Variants in ADCY5 observed in about 807,000 individuals in gnomAD.
ADCY5 encodes the protein adenylate cyclase 5.
A neutral mutation model predicts 119.7 loss-of-function variants in ADCY5; 30 were observed. That is an observed-to-expected ratio of 0.25 (90% confidence interval 0.19 to 0.34). The LOEUF (loss-of-function observed/expected upper bound fraction) is 0.34, where lower values mean the gene tolerates loss of function less well. Ranked by LOEUF, ADCY5 falls within the 10% of genes least tolerant of loss-of-function variation. The probability of loss-of-function intolerance (pLI) is 1.00; values close to 1 mark genes in which losing one functional copy is unlikely to be tolerated. For synonymous variants in ADCY5, 753 were observed against 762.2 expected, an observed-to-expected ratio of 0.99 and a Z score of 0.20; for missense variants, 1,324 against 1,775.2, an observed-to-expected ratio of 0.75 and a Z score of 4.57.
At position 123,282,328 on chromosome 3, in the gene ADCY5, T is replaced by C. The variant is rs565882366; in HGVS notation, c.*2280A>G. 1.3e-5 allele frequency: 2 copies of C among 152,372 alleles called. No homozygotes were observed. The highest frequency in any genetic ancestry group is 3.9e-4 in the East Asian group (2 of 5,186). The allele number at this position is 152,372 out of a possible 1,614,324, so 9.4% of individuals were successfully genotyped here. A position where few individuals can be genotyped will look rare whatever the true frequency, so the allele number is the denominator to read the frequency against. On this transcript the variant is annotated 3_prime_UTR_variant, in exon 21 of 21. Transcript: ENST00000462833. ...TGAAAGTGTTTAATAGTTAAATTAT[T>C]TAAATAGACTTTTCAATTTCCATGG... is the stretch of plus-strand genomic sequence containing the variant.
chr3:123,303,011 A>AG, intron 14 of ADCY5, 44 bp downstream of exon 14: 1 of 1,601,438 alleles, frequency 6.2e-7, no homozygotes, highest in African/African-American at 1.3e-5. Flanking sequence ...GGGGAGGGCA[A>AG]GGGACTCTTC....
At chr3:123,373,392 G>A (rs1943701829) in intron 1 of ADCY5, among the ~76,000 whole-genome samples, 1 of 152,218 alleles carries the variant, frequency 6.6e-6, no homozygotes, top group Non-Finnish European at 1.5e-5. Flanking sequence ...CAGCAAACTG[G>A]ATTGATACCA....
At position 123,447,591 on chromosome 3, in the gene ADCY5, G is replaced by A; in HGVS notation, c.955C>T (p.Leu319=). ...TCAGAGGCGCTGCGTGGCTGCGGCA[G>A]CAGCAGGCCCACCACCTGGACGGCC... is the stretch of plus-strand genomic sequence containing the variant. ...VLAVQVVGLL[L]PQPRSASEGI... is the part of the protein sequence containing the mutation. The change falls in exon 1 of 21, where the codon CTG becomes TTG. Residue 319 remains leucine (L), a synonymous_variant. Transcript: ENST00000462833. The A allele has an allele frequency of 6.2e-7, 1 of 1,607,858 alleles. No homozygotes were observed. The highest frequency in any genetic ancestry group is 8.5e-7 in the Non-Finnish European group (1 of 1,179,114).
At chr3:123,327,481 T>C (rs947065380) in intron 7 of ADCY5, 137 bp downstream of exon 7, 16 of 976,948 alleles carry the variant, frequency 1.6e-5, no homozygotes, top group Admixed American at 1.2e-4. Context: ...CCGGGGTCCT[T>C]TTTAAGATGC....
intron 1 of ADCY5, among the ~76,000 whole-genome samples, chr3:123,376,257 A>G (rs1209881631): frequency 6.9e-6 from 1 of 145,724 alleles, no homozygotes; most frequent in African/African-American, 2.5e-5. Context: ...TTTTGGGTTA[A>G]AACTCCTCAT....
intron 1 of ADCY5, among the ~76,000 whole-genome samples, chr3:123,367,408 C>T (rs1943483422): frequency 6.6e-6 from 1 of 152,154 alleles, no homozygotes; most frequent in East Asian, 1.9e-4. Context: ...GATAAGGAGA[C>T]GTTTGCTTTG....
At chr3:123,426,305 T>C (rs372541265) in intron 1 of ADCY5, among the ~76,000 whole-genome samples, 1 of 7,952 alleles carries the variant, frequency 1.3e-4, no homozygotes, top group Non-Finnish European at 7.4e-4. Flanking sequence ...TTGTGTTTTT[T>C]TTTTGTTTGT....
intron 3 of ADCY5, among the ~76,000 whole-genome samples, chr3:123,341,956 C>T (rs1942304889): frequency 6.6e-6 from 1 of 152,164 alleles, no homozygotes; most frequent in Non-Finnish European, 1.5e-5. Context: ...CAGGGTCTCG[C>T]TCTGTTGCCC....
chr3:123,444,477 G>A (rs373988129), intron 1 of ADCY5, among the ~76,000 whole-genome samples: 2 of 152,100 alleles, frequency 1.3e-5, no homozygotes, highest in Non-Finnish European at 1.5e-5. Context: ...GAGGGGGAGG[G>A]TGACAAACAC....
chr3:123,296,992 A>C, intron 16 of ADCY5: 3 of 1,535,890 alleles, frequency 2.0e-6, no homozygotes, highest in Non-Finnish European at 2.6e-6. Context: ...TTGTTCCTTG[A>C]CTCCAGAGGG....
intron 2 of ADCY5, among the ~76,000 whole-genome samples, chr3:123,350,469 G>C (rs1484046386): frequency 6.6e-6 from 1 of 152,220 alleles, no homozygotes; most frequent in Non-Finnish European, 1.5e-5. Context: ...GGGATGACTG[G>C]GAGAGACCGT....
At chr3:123,384,857 C>T (rs1435264715) in intron 1 of ADCY5, among the ~76,000 whole-genome samples, 1 of 152,082 alleles carries the variant, frequency 6.6e-6, no homozygotes, top group Non-Finnish European at 1.5e-5. Context: ...TCCTAGGACC[C>T]CTCGGCCCGG....
At chr3:123,313,220 C>G (rs1940690253) in intron 12 of ADCY5, among the ~76,000 whole-genome samples, 1 of 152,214 alleles carries the variant, frequency 6.6e-6, no homozygotes, top group African/African-American at 2.4e-5. Context: ...TTCTGACAAT[C>G]AGTCCACCAA....
At position 123,299,831 on chromosome 3, in the gene ADCY5, TG is replaced by T. The variant is rs1456384777; in HGVS notation, c.2900+288del. ...TGCTGGACCGTGACTCCTCTGAGCC[TG>T]GGGCAGCTGGACCGAGGTGAAAGCA... On this transcript the variant is annotated intron_variant, in intron 15 of 20. Transcript: ENST00000462833. Among the ~76,000 whole-genome samples, 5 of 152,202 alleles carry T rather than the reference TG, an allele frequency of 3.3e-5. No individual in the cohort carries two copies. In the South Asian group the frequency reaches 1.0e-3, roughly 32 times the overall value.
At chr3:123,429,401 TC>T (rs1945475708) in intron 1 of ADCY5, among the ~76,000 whole-genome samples, 2 of 151,826 alleles carry the variant, frequency 1.3e-5, no homozygotes, top group South Asian at 4.2e-4. Flanking sequence ...AAAAGGAGGA[TC>T]CCCCCAACCC....
At chr3:123,399,359 T>C (rs1248583880) in intron 1 of ADCY5, among the ~76,000 whole-genome samples, 1 of 152,250 alleles carries the variant, frequency 6.6e-6, no homozygotes, top group Non-Finnish European at 1.5e-5. Context: ...AAATTACACA[T>C]ATAGCTCACA....
At chr3:123,315,022 G>A (rs575307526) in intron 11 of ADCY5, among the ~76,000 whole-genome samples, 1 of 152,262 alleles carries the variant, frequency 6.6e-6, no homozygotes, top group South Asian at 2.1e-4. Flanking sequence ...CAGCCACCAC[G>A]GGTGGCCACC....
Position 123,284,627 on chromosome 3 carries a change from C to T in ADCY5, c.3767G>A (p.Gly1256Glu). Residue 1256 changes from glycine to glutamate, a missense_variant, in exon 21 of 21, where the codon GGA (glycine) becomes GAA (glutamate). By Grantham distance (98) the Gly-to-Glu change is moderately conservative (BLOSUM62 -2). This residue lies in a region of ADCY5 where 178 missense variants were observed against 329.6 expected (regional missense o/e 0.54). Transcript: ENST00000462833. Reference protein sequence around the residue: ...KGEMMTYFLNGGPPLS With the variant: ...KGEMMTYFLNEGPPLS ...CAGCTGCTAACTGAGCGGGGGCCCTCCATTGAGGAAGTAGGTCATCATCTC... is the reference window on the plus strand; with the variant it reads ...CAGCTGCTAACTGAGCGGGGGCCCTTCATTGAGGAAGTAGGTCATCATCTC... 6.2e-7 allele frequency: 1 copy of T among 1,614,268 alleles called. No individual in the cohort carries two copies. The highest frequency in any genetic ancestry group is 1.1e-5 in the South Asian group (1 of 91,090).
At chr3:123,379,109 T>G (rs908218592) in intron 1 of ADCY5, among the ~76,000 whole-genome samples, 2 of 152,150 alleles carry the variant, frequency 1.3e-5, no homozygotes, top group African/African-American at 4.8e-5. Flanking sequence ...TCCTGGGGAC[T>G]GGCCATGGTA....
Sources: gnomAD v4.1 joint callset for allele counts (sites outside exome capture counted in the v4.1 genomes callset) on GRCh38, gnomAD v4.1.1 for gene constraint, gnomAD v4.1.1 regional missense constraint, MANE v1.5 for transcripts, NCBI Gene and HGNC (gene_info 2026-07-23, HGNC 2026-07-21) for gene names.